Variants in MAB21L4 observed in about 807,000 individuals in gnomAD.
MAB21L4 encodes protein mab-21-like 4.
In MAB21L4, 25 loss-of-function variants were observed where a neutral mutation model predicts 32.4. The observed-to-expected ratio is 0.77, with a 90% CI of 0.56 to 1.08. The LOEUF (loss-of-function observed/expected upper bound fraction) is 1.08, where lower values mean the gene tolerates loss of function less well. Among genes scored for constraint, MAB21L4 ranks in the 50% least tolerant of loss-of-function variants. The probability of loss-of-function intolerance (pLI) is 0.00; values close to 1 mark genes in which losing one functional copy is unlikely to be tolerated. For synonymous variants in MAB21L4, 280 were observed against 276.8 expected, an observed-to-expected ratio of 1.01 and a Z score of -0.11; for missense variants, 638 against 611.0, an observed-to-expected ratio of 1.04 and a Z score of -0.47.
rs201805293 is a variant in MAB21L4 at position 240,887,124 on chromosome 2, A to G, written c.1290T>C (p.Ser430=). 7.5e-4 allele frequency: 1,204 copies of G among 1,614,162 alleles called. 6 individuals are homozygous for G. Among genetic ancestry groups the G allele is most frequent in the Middle Eastern group, 3.1e-3 (19 of 6,062 alleles). The stretch of plus-strand genomic sequence containing the variant: ...TCTTCTGGAAGATGCTCTGCATGGC[A>G]GAGATCCGGTCCTTATCCTGGATGT... ...VFNIQDKDRI[S]AMQSIFQKTR... is the part of the protein sequence containing the mutation. The change falls in exon 5 of 5, where the codon TCT becomes TCC. Residue 430 remains serine, a synonymous_variant. Transcript: ENST00000388934.
chr2:240,890,512 G>T (rs923863505), intron 2 of MAB21L4, among the ~76,000 whole-genome samples: 1 of 152,188 alleles, frequency 6.6e-6, no homozygotes, highest in Non-Finnish European at 1.5e-5. Context: ...AGCCCAGGGC[G>T]GCAGCCTCCA....
intron 3 of MAB21L4, 37 bp downstream of exon 3, chr2:240,889,968 T>C (rs767570777): frequency 5.7e-6 from 9 of 1,580,560 alleles, no homozygotes; most frequent in Admixed American, 1.7e-5. Context: ...CCCTGGGCCC[T>C]GGTGACAGAC....
intron 3 of MAB21L4, among the ~76,000 whole-genome samples, chr2:240,889,718 G>T (rs2059127212): frequency 6.6e-6 from 1 of 152,180 alleles, no homozygotes; most frequent in Non-Finnish European, 1.5e-5. Flanking sequence ...CCCACCCTGA[G>T]ATTCTACCCA....
At chr2:240,892,522 GAA>G (rs1271918566) in intron 1 of MAB21L4, among the ~76,000 whole-genome samples, 2 of 152,212 alleles carry the variant, frequency 1.3e-5, no homozygotes, top group African/African-American at 2.4e-5. Context: ...CCCATGGAGA[GAA>G]GAGGCGGCGG....
At chr2:240,892,379 G>A (rs1488057545) in intron 1 of MAB21L4, among the ~76,000 whole-genome samples, 2 of 140,166 alleles carry the variant, frequency 1.4e-5, no homozygotes, top group Non-Finnish European at 3.1e-5. Flanking sequence ...GCCCCTGGAA[G>A]CTTCCCTGAG....
chr2:240,895,374 C>G, intron 1 of MAB21L4, 110 bp downstream of exon 1: 1 of 1,080,610 alleles, frequency 9.3e-7, no homozygotes, highest in Non-Finnish European at 1.3e-6. Flanking sequence ...ACCCTGTGTG[C>G]ACGTACATGG....
At chr2:240,893,140 G>A (rs942731267) in intron 1 of MAB21L4, among the ~76,000 whole-genome samples, 6 of 152,322 alleles carry the variant, frequency 3.9e-5, no homozygotes, top group South Asian at 4.1e-4. Flanking sequence ...GCATGCTGGC[G>A]TTTCCCCGAG....
rs1203237104 is a variant in MAB21L4, at chr2:240,888,701, TGCTCCCACCCTGC to T, written c.895-66_895-54del. 221 of 1,293,460 alleles carry T rather than the reference TGCTCCCACCCTGC, an allele frequency of 1.7e-4. 1 individual carries two copies. In the South Asian group the frequency reaches 2.6e-3, roughly 15 times the overall value. The allele number at this position is 1,293,460 out of a possible 1,614,324, so 80.1% of individuals were successfully genotyped here. A position where few individuals can be genotyped will look rare whatever the true frequency, so the allele number is the denominator to read the frequency against. The stretch of plus-strand genomic sequence containing the variant: ...CTCCTGGCCCACCCGGCCCACCCTG[TGCTCCCACCCTGC>T]GCTCCCACCCTCACCCTGGCTGCCC... On this transcript the variant is annotated intron_variant, in intron 3 of 4. Transcript: ENST00000388934.
At chr2:240,889,735 T>G (rs1365710614) in intron 3 of MAB21L4, among the ~76,000 whole-genome samples, 1 of 152,078 alleles carries the variant, frequency 6.6e-6, no homozygotes, top group Non-Finnish European at 1.5e-5. Context: ...CCCAACAGTG[T>G]CCCAGGGCCA....
intron 3 of MAB21L4, 26 bp from the exon 4 acceptor site, chr2:240,888,674 G>T: frequency 6.8e-7 from 1 of 1,465,078 alleles, no homozygotes; most frequent in Non-Finnish European, 9.1e-7. Context: ...GTCAGCCCTG[G>T]CCTCCTGGCC....
chr2:240,894,290 C>T (rs770299435), intron 1 of MAB21L4, among the ~76,000 whole-genome samples: 2 of 152,120 alleles, frequency 1.3e-5, no homozygotes, highest in East Asian at 3.9e-4. Flanking sequence ...CAACAAAGCC[C>T]TGTGAGGACT....
upstream of MAB21L4, among the ~76,000 whole-genome samples, chr2:240,896,509 C>T (rs1176835197): frequency 6.6e-5 from 10 of 152,210 alleles, no homozygotes; most frequent in Non-Finnish European, 1.3e-4. Flanking sequence ...GGAGGGAACA[C>T]AAGGCACCCC....
At position 240,887,173 on chromosome 2, in the gene MAB21L4, G is replaced by A. The variant is rs766161962; in HGVS notation, c.1252-11C>T. 4 of 1,610,862 alleles carry A rather than the reference G, an allele frequency of 2.5e-6. No individual in the cohort carries two copies. Among genetic ancestry groups the A allele is most frequent in the Non-Finnish European group, 3.4e-6 (4 of 1,177,050 alleles). ...GTTGAAGACCTGGAACTACAGGCAG[G>A]GTTGCAGGGGAGAAGGGTTACAGGG... is the stretch of plus-strand genomic sequence containing the variant. On this transcript the variant is annotated splice_polypyrimidine_tract_variant and intron_variant, in intron 4 of 4. Coordinates refer to ENST00000388934, the MANE Select transcript of MAB21L4 (RefSeq NM_001085437.3).
At chr2:240,890,909 G>A (rs572710363) in intron 2 of MAB21L4, among the ~76,000 whole-genome samples, 20 of 152,328 alleles carry the variant, frequency 1.3e-4, no homozygotes, top group Admixed American at 4.6e-4. Flanking sequence ...CTGGCGCTCC[G>A]CTGAGCCTTT....
Position 240,890,244 on chromosome 2 carries a change from C to T in MAB21L4, c.741-86G>A, listed in dbSNP as rs1451044981. On this transcript the variant is annotated intron_variant, in intron 2 of 4. Coordinates refer to ENST00000388934, the MANE Select transcript of MAB21L4 (RefSeq NM_001085437.3). ...GCTTCTGAGCCCCGGAGGTTCGGGC[C>T]CTGGCCAGGGTCGTGCTGTGCTGCG... 3.3e-6 allele frequency: 5 copies of T among 1,495,072 alleles called. No homozygotes were observed. In the African/African-American group the frequency reaches 4.1e-5, roughly 12 times the overall value. 92.6% of individuals were successfully genotyped at this position (1,495,072 alleles called of 1,614,324 possible).
chr2:240,896,095 C>T lies in MAB21L4; in HGVS notation c.-98G>A, dbSNP rs2059186244. On this transcript the variant is annotated 5_prime_UTR_variant, in exon 1 of 5. Coordinates refer to ENST00000388934, the MANE Select transcript of MAB21L4 (RefSeq NM_001085437.3). ...GTGAGGAGGCACCTGCCCAGGTGAGCAGCAGGTCTGCAGGTGGGGCCTCAG... is the reference window on the plus strand; with the variant it reads ...GTGAGGAGGCACCTGCCCAGGTGAGTAGCAGGTCTGCAGGTGGGGCCTCAG... 6.6e-6 allele frequency: 9 copies of T among 1,372,296 alleles called. No individual in the cohort carries two copies. Among genetic ancestry groups the T allele is most frequent in the Non-Finnish European group, 8.4e-6 (9 of 1,070,452 alleles). 85.0% of individuals were successfully genotyped at this position (1,372,296 alleles called of 1,614,324 possible). A position where few individuals can be genotyped will look rare whatever the true frequency, so the allele number is the denominator to read the frequency against.
chr2:240,889,943 C>T lies in MAB21L4; in HGVS notation c.894+62G>A. On this transcript the variant is annotated intron_variant, in intron 3 of 4. Coordinates refer to ENST00000388934, the MANE Select transcript of MAB21L4 (RefSeq NM_001085437.3). ...AGTCAGGGCTGGCAGGAGGGACACG[C>T]CTGGGTGCACCTACCCCTGGGCCCT... is the stretch of plus-strand genomic sequence containing the variant. The T allele has an allele frequency of 4.5e-6, 7 of 1,543,678 alleles. No individual in the cohort carries two copies. The South Asian group carries it at 7.5e-5, about 17-fold the overall frequency.
intron 4 of MAB21L4, 38 bp downstream of exon 4, chr2:240,888,254 C>T (rs2059112669): frequency 8.8e-6 from 13 of 1,476,188 alleles, no homozygotes; most frequent in Non-Finnish European, 1.1e-5. Context: ...CCTCCCATGC[C>T]CCCGGGCCTG....
Position 240,895,853 on chromosome 2 carries a change from G to T in MAB21L4, c.145C>A (p.Arg49Ser). Reference protein sequence around the residue: ...AENVLLTVLERVHALDPRFIV... With the variant: ...AENVLLTVLESVHALDPRFIV... ...AAGCGGGGGTCCAGGGCATGCACGC[G>T]CTCCAGCACCGTGAGCAGCACGTTC... The change falls in exon 1 of 5, where the codon CGC (arginine) becomes AGC (serine). Residue 49 changes from arginine to serine, a missense_variant. Transcript: ENST00000388934. 1 of 1,568,314 alleles carries T rather than the reference G, an allele frequency of 6.4e-7. No homozygotes were observed. The highest frequency in any genetic ancestry group is 8.7e-7 in the Non-Finnish European group (1 of 1,154,718).
Sources: allele counts gnomAD v4.1 joint callset (sites outside exome capture counted in the v4.1 genomes callset), GRCh38; gene constraint gnomAD v4.1.1; transcripts MANE v1.5; gene names NCBI Gene and HGNC (gene_info 2026-07-23, HGNC 2026-07-21).